Variants in GLIS3 observed in about 807,000 individuals in gnomAD.
GLIS3 encodes zinc finger protein GLIS3.
GLIS3 carries 53 observed loss-of-function variants against 78.6 expected under a neutral mutation model. The ratio of observed to expected loss-of-function variants is 0.67; its 90% CI spans 0.54 to 0.85. The LOEUF (loss-of-function observed/expected upper bound fraction) is 0.85, where lower values mean the gene tolerates loss of function less well. Among genes scored for constraint, GLIS3 ranks in the 40% least tolerant of loss-of-function variants. GLIS3 has a pLI of 0.00. For missense variants in GLIS3, 1,703 were observed against 1,231.1 expected, an observed-to-expected ratio of 1.38 and a Z score of -5.74; for synonymous variants, 684 against 509.9, an observed-to-expected ratio of 1.34 and a Z score of -4.60.
the GLIS3 span, among the ~76,000 whole-genome samples, chr9:4,393,722 C>G: frequency 6.6e-6 from 1 of 152,200 alleles, no homozygotes; most frequent in Non-Finnish European, 1.5e-5. Flanking sequence ...GGCAGGAAAA[C>G]TGAAGAAGTA....
intron 4 of GLIS3, among the ~76,000 whole-genome samples, chr9:4,093,977 T>C (rs575124820): frequency 6.6e-6 from 1 of 152,324 alleles, no homozygotes; most frequent in Admixed American, 6.5e-5. Flanking sequence ...GTCTAGTTCT[T>C]AAGAGTGATT....
intron 2 of GLIS3, among the ~76,000 whole-genome samples, chr9:4,249,051 G>C (rs1824092840): frequency 6.6e-6 from 1 of 152,174 alleles, no homozygotes; most frequent in South Asian, 2.1e-4. Context: ...ATAGTTTGAA[G>C]TCAGGTAGCA....
chr9:4,001,787 G>A (rs988084541), intron 4 of GLIS3, among the ~76,000 whole-genome samples: 1 of 152,192 alleles, frequency 6.6e-6, no homozygotes, highest in African/African-American at 2.4e-5. Flanking sequence ...ATACAGGACA[G>A]CAAGTAATGA....
chr9:4,147,399 A>G (rs1834308783), intron 2 of GLIS3: 1 of 152,148 alleles, frequency 6.6e-6, no homozygotes, highest in African/African-American at 2.4e-5. Context: ...TTAAAGTGTT[A>G]GAAGTAAGAA....
At chr9:4,366,910 T>TAG in the GLIS3 span, among the ~76,000 whole-genome samples, 1 of 152,132 alleles carries the variant, frequency 6.6e-6, no homozygotes, top group African/African-American at 2.4e-5. Context: ...GGAAGACCAC[T>TAG]AGCTCCCTCT....
chr9:3,990,572 T>C (rs1228120393), intron 4 of GLIS3, among the ~76,000 whole-genome samples: 1 of 152,140 alleles, frequency 6.6e-6, no homozygotes, highest in Non-Finnish European at 1.5e-5. Context: ...ATATTCTGGC[T>C]CTGTAGGGTG....
the GLIS3 span, among the ~76,000 whole-genome samples, chr9:4,470,108 A>C: frequency 6.6e-6 from 1 of 152,232 alleles, no homozygotes; most frequent in African/African-American, 2.4e-5. Context: ...TGAGGCAATA[A>C]TTAATAACCC....
chr9:4,471,201 A>G, the GLIS3 span, among the ~76,000 whole-genome samples: 35 of 152,382 alleles, frequency 2.3e-4, no homozygotes, highest in Non-Finnish European at 3.4e-4. Flanking sequence ...TATAGATTCA[A>G]TGCCATCCCC....
intron 4 of GLIS3, among the ~76,000 whole-genome samples, chr9:3,972,223 C>A (rs1013826132): frequency 2.0e-5 from 3 of 152,168 alleles, no homozygotes; most frequent in Non-Finnish European, 4.4e-5. Context: ...GTCCTCTTAT[C>A]CCCTCCAGTA....
intron 2 of GLIS3, among the ~76,000 whole-genome samples, chr9:4,269,495 G>A (rs929999581): frequency 5.9e-5 from 9 of 152,014 alleles, no homozygotes; most frequent in African/African-American, 9.7e-5. Flanking sequence ...CAGTTATATC[G>A]CTGAAAGCAA....
At chr9:3,970,555 G>A (rs1416575847) in intron 4 of GLIS3, among the ~76,000 whole-genome samples, 1 of 152,084 alleles carries the variant, frequency 6.6e-6, no homozygotes, top group African/African-American at 2.4e-5. Flanking sequence ...CCTTGCCCCT[G>A]AACAAGGCCC....
At chr9:4,225,106 C>T (rs1587041766) in intron 2 of GLIS3, among the ~76,000 whole-genome samples, 1 of 151,584 alleles carries the variant, frequency 6.6e-6, no homozygotes, top group Admixed American at 6.6e-5. Flanking sequence ...TTCATTTCTA[C>T]AGATAAGGAA....
intron 4 of GLIS3, among the ~76,000 whole-genome samples, chr9:4,091,572 C>T (rs1319980905): frequency 6.6e-6 from 1 of 152,082 alleles, no homozygotes; most frequent in Non-Finnish European, 1.5e-5. Flanking sequence ...AATGTGCAGT[C>T]ATGTGTCGCT....
chr9:3,837,410 G>A (rs967952948), intron 9 of GLIS3, among the ~76,000 whole-genome samples: 1 of 152,162 alleles, frequency 6.6e-6, no homozygotes, highest in Non-Finnish European at 1.5e-5. Context: ...CAGCAATTGT[G>A]TCCTCTTATA....
At chr9:3,946,004 G>T (rs571730051) in intron 4 of GLIS3, among the ~76,000 whole-genome samples, 2 of 152,280 alleles carry the variant, frequency 1.3e-5, no homozygotes, top group South Asian at 4.1e-4. Context: ...TAAGCAGCAC[G>T]TTGCTTTTTG....
At chr9:4,325,848 A>G (rs1009096401) in intron 2 of GLIS3, among the ~76,000 whole-genome samples, 6 of 152,236 alleles carry the variant, frequency 3.9e-5, no homozygotes, top group African/African-American at 1.4e-4. Context: ...TGGTACATAT[A>G]CACCATGTAA....
In GLIS3 at chr9:4,236,199, A is replaced by AT. The variant is rs1386748704; in HGVS notation, c.388+49838_388+49839insA. Among the ~76,000 whole-genome samples the AT allele has an allele frequency of 2.0e-3, 297 of 147,884 alleles. 1 individual carries two copies. The highest frequency in any genetic ancestry group is 6.9e-3 in the African/African-American group (280 of 40,328). ...GTGGTTGTCACAAAAAAAAAAAAAAAAAAAAAAAGAAAGAAAGAAAGAAAG... is the reference window on the plus strand; with the variant it reads ...GTGGTTGTCACAAAAAAAAAAAAAAATAAAAAAAAGAAAGAAAGAAAGAAAG... On this transcript the variant is annotated intron_variant, in intron 2 of 10. Transcript: ENST00000381971.
chr9:4,099,813 C>G (rs1830229923), intron 4 of GLIS3, among the ~76,000 whole-genome samples: 1 of 152,152 alleles, frequency 6.6e-6, no homozygotes, highest in Admixed American at 6.5e-5. Context: ...TCACCTCATT[C>G]CACAGAGAAT....
chr9:4,129,490 T>A (rs982716263), intron 2 of GLIS3, among the ~76,000 whole-genome samples: 5 of 152,152 alleles, frequency 3.3e-5, no homozygotes, highest in African/African-American at 1.2e-4. Context: ...TTTGGTGCTG[T>A]TTTCATGATA....
Sources: allele counts gnomAD v4.1 joint callset (sites outside exome capture counted in the v4.1 genomes callset), GRCh38; gene constraint gnomAD v4.1.1; transcripts MANE v1.5; gene names NCBI Gene and HGNC (gene_info 2026-07-23, HGNC 2026-07-21).